The following EYS variants were observed in gnomAD, a reference collection of about 807,000 sequenced individuals.
EYS encodes protein eyes shut homolog.
A neutral mutation model predicts 282.1 loss-of-function variants in EYS; 250 were observed. That is an observed-to-expected ratio of 0.89 (90% CI 0.80 to 0.98). The LOEUF is 0.98. EYS is among the 50% of genes least tolerant of loss of function. The probability of loss-of-function intolerance (pLI) is 0.00; values close to 1 mark genes in which losing one functional copy is unlikely to be tolerated. For missense variants in EYS, 4,016 were observed against 3,709.0 expected, an observed-to-expected ratio of 1.08 and a Z score of -2.15; for synonymous variants, 1,355 against 1,282.9, an observed-to-expected ratio of 1.06 and a Z score of -1.20.
intron 12 of EYS, among the ~76,000 whole-genome samples, chr6:65,210,433 A>G (rs2150251633): frequency 6.6e-6 from 1 of 152,164 alleles, no homozygotes; most frequent in South Asian, 2.1e-4. Context: ...TGAAGGCATA[A>G]TATCTGGTAA....
rs34663169 is a variant in EYS, at chr6:64,249,063, C to CAAAAAAAAAAAAAAAAAA, written c.6192-18257_6192-18240dup. On this transcript the variant is annotated intron_variant, in intron 30 of 42. Coordinates refer to ENST00000503581, the MANE Select transcript of EYS (RefSeq NM_001142800.2). Reference sequence around the variant, plus strand: ...TGGGCTACAGAGTGACACCCTGTCTCAAAAAAAAAAAAAAAAAAAAAAGAT... The same window carrying CAAAAAAAAAAAAAAAAAA: ...TGGGCTACAGAGTGACACCCTGTCTCAAAAAAAAAAAAAAAAAAAAAAAAAAAAAAAAAAAAAAAAGAT... Among the ~76,000 whole-genome samples, 312 of 70,040 alleles carry CAAAAAAAAAAAAAAAAAA rather than the reference C, an allele frequency of 4.5e-3. 12 individuals carry two copies. Among genetic ancestry groups the CAAAAAAAAAAAAAAAAAA allele is most frequent in the African/African-American group, 0.01 (146 of 14,220 alleles). The allele number at this position is 70,040 out of a possible 152,430, so 45.9% of individuals were successfully genotyped here.
At chr6:64,569,645 G>A (rs1266397718) in intron 26 of EYS, among the ~76,000 whole-genome samples, 1 of 152,026 alleles carries the variant, frequency 6.6e-6, no homozygotes, top group Admixed American at 6.5e-5. Flanking sequence ...TGAGGCTGAG[G>A]CAGGAGAATT....
Position 65,362,611 on chromosome 6 carries a change from C to T in EYS, c.1300-8994G>A, listed in dbSNP as rs145216214. Among the ~76,000 whole-genome samples the T allele has an allele frequency of 3.4e-3, 509 of 151,120 alleles. 4 individuals are homozygous for T. Among genetic ancestry groups the T allele is most frequent in the African/African-American group, 0.011 (462 of 41,254 alleles). On this transcript the variant is annotated intron_variant, in intron 8 of 42. Coordinates refer to ENST00000503581, the MANE Select transcript of EYS (RefSeq NM_001142800.2). ...TGTACGTATACATTTATATATATGC[C>T]TATATATGTAATGTATATGCATGTG...
intron 29 of EYS, among the ~76,000 whole-genome samples, chr6:64,329,157 C>T (rs645531): frequency 6.6e-6 from 1 of 151,950 alleles, no homozygotes; most frequent in Non-Finnish European, 1.5e-5. Flanking sequence ...CTTTATGGTC[C>T]ATACTGGTGT....
rs1562080367 is a variant in EYS, at chr6:64,591,664, A to T, written c.4203T>A (p.Asp1401Glu). The T allele has an allele frequency of 6.4e-7, 1 of 1,551,186 alleles. No homozygotes were observed. The highest frequency in any genetic ancestry group is 8.7e-7 in the Non-Finnish European group (1 of 1,146,752). The change falls in exon 26 of 43, where the codon GAT becomes GAA. Residue 1401 changes from aspartate (D) to glutamate (E), a missense_variant. Transcript: ENST00000503581. ...ATAAAGATTGTGTAGGAAAAATAAA[A>T]TCTGACATTAAGGAAGACATGATAA... ...TPFIMSSLMS[D>E]FIFPTQSLLF...
chr6:63,745,117 G>C, intron 41 of EYS: 1 of 338,220 alleles, frequency 3.0e-6, no homozygotes, highest in Non-Finnish European at 5.7e-6. Context: ...CTTTTTCCTC[G>C]AGCATATTTG....
intron 28 of EYS, among the ~76,000 whole-genome samples, chr6:64,407,067 G>A (rs1218257773): frequency 6.6e-6 from 1 of 152,182 alleles, no homozygotes; most frequent in East Asian, 1.9e-4. Context: ...ATCAATGATG[G>A]AATGGATAAA....
chr6:64,758,864 C>A (rs1406333383), intron 22 of EYS, among the ~76,000 whole-genome samples: 2 of 152,148 alleles, frequency 1.3e-5, no homozygotes, highest in South Asian at 2.1e-4. Flanking sequence ...CTTGGCCGGG[C>A]GCAGTGGCTC....
intron 33 of EYS, among the ~76,000 whole-genome samples, chr6:64,027,884 G>A (rs985306756): frequency 3.3e-5 from 5 of 152,132 alleles, no homozygotes; most frequent in Non-Finnish European, 5.9e-5. Context: ...TAACTATTGA[G>A]GGCCAGGAAA....
chr6:64,119,013 A>G (rs1050979886), intron 31 of EYS, among the ~76,000 whole-genome samples: 2 of 152,184 alleles, frequency 1.3e-5, no homozygotes, highest in Non-Finnish European at 2.9e-5. Context: ...TTCTCCAGTT[A>G]GAATGACTAC....
chr6:64,923,106 A>G (rs1261098570), intron 15 of EYS, among the ~76,000 whole-genome samples: 1 of 151,940 alleles, frequency 6.6e-6, no homozygotes, highest in Non-Finnish European at 1.5e-5. Context: ...TAGTGGCTGT[A>G]TTAGTCTGTT....
At chr6:65,580,124 A>C (rs1764816887) in intron 2 of EYS, among the ~76,000 whole-genome samples, 1 of 152,144 alleles carries the variant, frequency 6.6e-6, no homozygotes, top group Non-Finnish European at 1.5e-5. Context: ...GGTTTTGAAA[A>C]ATGTCACAGA....
intron 31 of EYS, among the ~76,000 whole-genome samples, chr6:64,156,041 TTTGTGTG>T (rs1774908396): frequency 6.7e-6 from 1 of 150,364 alleles, no homozygotes; most frequent in African/African-American, 2.4e-5. Context: ...TGTGTGTGTG[TTTGTGTG>T]TGTGTATGTG....
intron 15 of EYS, among the ~76,000 whole-genome samples, chr6:64,917,818 A>T (rs1444756978): frequency 6.6e-6 from 1 of 152,178 alleles, no homozygotes; most frequent in Non-Finnish European, 1.5e-5. Flanking sequence ...CACAATTTTT[A>T]TGTGTTAATT....
chr6:65,694,294 T>C (rs1359384251), intron 1 of EYS, among the ~76,000 whole-genome samples: 1 of 149,458 alleles, frequency 6.7e-6, no homozygotes, highest in Non-Finnish European at 1.5e-5. Flanking sequence ...TATATATATG[T>C]ATAATAAAAC....
chr6:63,727,784 C>G (rs534252488), intron 41 of EYS, among the ~76,000 whole-genome samples: 151 of 108,880 alleles, frequency 1.4e-3, no homozygotes, highest in African/African-American at 5.9e-3. Flanking sequence ...TGCCTGTGGT[C>G]CCAGCTACTG....
intron 33 of EYS, among the ~76,000 whole-genome samples, chr6:64,045,437 A>AT (rs1554201573): frequency 4.2e-4 from 45 of 108,190 alleles, no homozygotes; most frequent in African/African-American, 1.7e-3. Context: ...ATTTTATTTT[A>AT]TTTATTTTAT....
At chr6:64,264,013 A>T (rs1293818972) in intron 30 of EYS, among the ~76,000 whole-genome samples, 1 of 152,162 alleles carries the variant, frequency 6.6e-6, no homozygotes, top group Non-Finnish European at 1.5e-5. Context: ...ACACCCATGT[A>T]TTTACATGTT....
chr6:63,721,940 T>G, intron 42 of EYS, 143 bp from the exon 43 acceptor site: 2 of 746,860 alleles, frequency 2.7e-6, no homozygotes. Context: ...TAGTTTTGTT[T>G]CCACTCACAG....
Sources: gnomAD v4.1 joint callset for allele counts (sites outside exome capture counted in the v4.1 genomes callset) on GRCh38, gnomAD v4.1.1 for gene constraint, MANE v1.5 for transcripts, NCBI Gene and HGNC (gene_info 2026-07-23, HGNC 2026-07-21) for gene names.